The following EML6 variants were observed in gnomAD, a reference collection of about 807,000 sequenced individuals.
EML6 encodes the protein echinoderm microtubule-associated protein-like 6.
In EML6, 154 loss-of-function variants were observed where a neutral mutation model predicts 240.1. That is an observed-to-expected ratio of 0.64 (90% CI 0.56 to 0.73). The LOEUF is 0.73. Ranked by LOEUF, EML6 falls within the 30% of genes least tolerant of loss-of-function variation. The pLI is 0.00. For missense variants in EML6, 2,964 were observed against 2,474.6 expected (o/e 1.20, Z -4.20); for synonymous variants, 1,148 against 899.0 (o/e 1.28, Z -4.95).
At chr2:54,890,509 T>G (rs1382516473) in intron 17 of EML6, among the ~76,000 whole-genome samples, 1 of 152,126 alleles carries the variant, frequency 6.6e-6, no homozygotes, top group Non-Finnish European at 1.5e-5. Flanking sequence ...CATTCCAAAG[T>G]GCCTCGAATC....
rs969129313 is a variant in EML6, at chr2:54,931,061, C to A, written c.4004+2310C>A. Among the ~76,000 whole-genome samples the A allele has an allele frequency of 6.1e-4, 92 of 151,290 alleles. 2 individuals carry two copies. Among genetic ancestry groups the A allele is most frequent in the African/African-American group, 2.2e-3 (90 of 41,196 alleles). On this transcript the variant is annotated intron_variant, in intron 28 of 41. Transcript: ENST00000356458. ...CAAGCTCCGCCTCCCGGGTTCACGCCATTCTCCTGCCTCAGCCTCCCAAGT... is the reference window on the plus strand; with the variant it reads ...CAAGCTCCGCCTCCCGGGTTCACGCAATTCTCCTGCCTCAGCCTCCCAAGT...
chr2:54,826,675 C>G (rs1668612827), intron 5 of EML6, among the ~76,000 whole-genome samples: 1 of 152,102 alleles, frequency 6.6e-6, no homozygotes, highest in South Asian at 2.1e-4. Context: ...TCCTTACTGC[C>G]TTGTATAAAA....
chr2:54,811,389 T>G (rs1008754383), intron 2 of EML6, among the ~76,000 whole-genome samples: 1 of 152,236 alleles, frequency 6.6e-6, no homozygotes, highest in Non-Finnish European at 1.5e-5. Flanking sequence ...TCTTTTCACG[T>G]GAATCCCCTT....
Position 54,959,274 on chromosome 2 carries a change from T to C in EML6, c.4853+13T>C. The C allele has an allele frequency of 6.6e-7, 1 of 1,508,078 alleles. No individual in the cohort carries two copies. The highest frequency in any genetic ancestry group is 8.9e-7 in the Non-Finnish European group (1 of 1,125,682). The allele number at this position is 1,508,078 out of a possible 1,614,324, so 93.4% of individuals were successfully genotyped here. A position where few individuals can be genotyped will look rare whatever the true frequency, so the allele number is the denominator to read the frequency against. On this transcript the variant is annotated intron_variant, in intron 34 of 41. Transcript: ENST00000356458. ...GAAAAGAGAGGCCGTAAGCCAAAGC[T>C]CCTATGGAAACAACTTGTCGTTTGT...
chr2:54,954,464 C>G (rs959408640), intron 32 of EML6, among the ~76,000 whole-genome samples: 2 of 152,206 alleles, frequency 1.3e-5, no homozygotes, highest in African/African-American at 2.4e-5. Flanking sequence ...CGACATCTGT[C>G]TTAGCCACCT....
chr2:54,828,087 C>G (rs1236761168), intron 6 of EML6, among the ~76,000 whole-genome samples: 2 of 152,182 alleles, frequency 1.3e-5, no homozygotes, highest in Non-Finnish European at 2.9e-5. Context: ...TGTTAAAATG[C>G]AGATTCTGGC....
At chr2:54,829,998 G>C (rs1469679291) in intron 7 of EML6, among the ~76,000 whole-genome samples, 1 of 152,130 alleles carries the variant, frequency 6.6e-6, no homozygotes, top group African/African-American at 2.4e-5. Context: ...TCTATAAAAT[G>C]GAGATAATAC....
chr2:54,786,158 G>T (rs903239283), intron 2 of EML6, among the ~76,000 whole-genome samples: 1 of 152,062 alleles, frequency 6.6e-6, no homozygotes. Flanking sequence ...GGCAGTAGAG[G>T]AGGAGATGGC....
At chr2:54,789,750 C>T (rs541714525) in intron 2 of EML6, among the ~76,000 whole-genome samples, 1 of 152,238 alleles carries the variant, frequency 6.6e-6, no homozygotes, top group East Asian at 1.9e-4. Flanking sequence ...TGCAGATGAG[C>T]AAACTAAGGC....
chr2:54,879,496 G>C, intron 16 of EML6, 51 bp from the exon 17 acceptor site: 1 of 1,201,754 alleles, frequency 8.3e-7, no homozygotes, highest in Non-Finnish European at 1.2e-6. Context: ...TGTATGAAAT[G>C]TTTTGTTTTT....
At chr2:54,937,296 A>AGTC (rs1675189407) in intron 28 of EML6, among the ~76,000 whole-genome samples, 1 of 151,462 alleles carries the variant, frequency 6.6e-6, no homozygotes, top group African/African-American at 2.4e-5. Context: ...AAAAAGAAGA[A>AGTC]GTCTTAGGCT....
chr2:54,857,147 G>C (rs993586045), intron 11 of EML6, among the ~76,000 whole-genome samples: 2 of 152,184 alleles, frequency 1.3e-5, no homozygotes, highest in Non-Finnish European at 2.9e-5. Context: ...AAGGGGAAGA[G>C]GAATGTCTCG....
At chr2:54,903,021 G>T in intron 22 of EML6, 23 bp from the exon 23 acceptor site, 3 of 1,545,504 alleles carry the variant, frequency 1.9e-6, no homozygotes, top group Non-Finnish European at 2.6e-6. Context: ...GATAATAAGT[G>T]TTTTTTGTGG....
intron 4 of EML6, among the ~76,000 whole-genome samples, chr2:54,818,351 G>A (rs934672661): frequency 2.0e-5 from 3 of 152,202 alleles, no homozygotes; most frequent in Non-Finnish European, 2.9e-5. Context: ...AGCTTGCTAA[G>A]TGACCAAACT....
intron 17 of EML6, among the ~76,000 whole-genome samples, chr2:54,885,390 T>G (rs1672072085): frequency 6.6e-6 from 1 of 151,680 alleles, no homozygotes; most frequent in Non-Finnish European, 1.5e-5. Flanking sequence ...GAGGTTGTAG[T>G]GAGCCGAGAT....
Position 54,859,570 on chromosome 2 carries a change from A to G in EML6, c.1694A>G (p.His565Arg). The change falls in exon 12 of 42, where the codon CAT becomes CGT. Residue 565 changes from histidine (H) to arginine (R), a missense_variant. His to Arg is a conservative substitution (Grantham distance 29). Coordinates refer to ENST00000356458, the MANE Select transcript of EML6 (RefSeq NM_001039753.4). ...KFRKYVGHSAHVTNVRWSHDF... is the reference protein window; with the variant it reads ...KFRKYVGHSARVTNVRWSHDF... ...AGAAAGTATGTGGGCCATTCTGCAC[A>G]TGTCACAAATGTCCGCTGGTCCCAT... is the stretch of plus-strand genomic sequence containing the variant. 6.4e-7 allele frequency: 1 copy of G among 1,551,228 alleles called. No individual in the cohort carries two copies. Among genetic ancestry groups the G allele is most frequent in the South Asian group, 1.2e-5 (1 of 83,908 alleles).
intron 28 of EML6, among the ~76,000 whole-genome samples, chr2:54,936,927 A>C (rs1675163929): frequency 6.6e-6 from 1 of 150,806 alleles, no homozygotes; most frequent in South Asian, 2.1e-4. Flanking sequence ...GCTTGTTGCC[A>C]GTCTCTCCTG....
intron 16 of EML6, among the ~76,000 whole-genome samples, chr2:54,878,025 A>T (rs570180426): frequency 1.3e-5 from 2 of 152,374 alleles, no homozygotes; most frequent in East Asian, 3.8e-4. Context: ...ACAAAATTTT[A>T]GGAAGCTCAA....
intron 17 of EML6, chr2:54,881,370 G>A (rs141665700): frequency 3.6e-4 from 55 of 152,168 alleles, no homozygotes; most frequent in African/African-American, 1.3e-3. Flanking sequence ...TTTAAAAACA[G>A]GAGGCCGGGC....
Sources: gnomAD v4.1 joint callset for allele counts (sites outside exome capture counted in the v4.1 genomes callset) on GRCh38, gnomAD v4.1.1 for gene constraint, MANE v1.5 for transcripts, NCBI Gene and HGNC (gene_info 2026-07-23, HGNC 2026-07-21) for gene names.